The following MARCHF1 variants were observed in gnomAD, a reference collection of about 807,000 sequenced individuals.
MARCHF1 encodes the protein membrane associated ring-CH-type finger 1.
A neutral mutation model predicts 54.2 loss-of-function variants in MARCHF1; 40 were observed. The observed-to-expected ratio is 0.74, with a 90% CI of 0.57 to 0.96. The LOEUF is 0.96. Among genes scored for constraint, MARCHF1 ranks in the 40% least tolerant of loss-of-function variants. The pLI is 0.00. For synonymous variants in MARCHF1, 236 were observed against 236.3 expected, an observed-to-expected ratio of 1.00 and a Z score of 0.01; for missense variants, 586 against 656.5, an observed-to-expected ratio of 0.89 and a Z score of 1.17.
At chr4:163,893,896 C>T (rs944122679) in intron 3 of MARCHF1, among the ~76,000 whole-genome samples, 1 of 152,124 alleles carries the variant, frequency 6.6e-6, no homozygotes, top group Non-Finnish European at 1.5e-5. Context: ...GAAGTGCTCA[C>T]AGGCAGCATG....
chr4:164,005,678 A>G (rs986386756), intron 2 of MARCHF1, among the ~76,000 whole-genome samples: 1 of 152,110 alleles, frequency 6.6e-6, no homozygotes, highest in African/African-American at 2.4e-5. Context: ...ATTTCTGAGG[A>G]CAGTTAGAGA....
chr4:163,808,863 C>T (rs527760622), intron 4 of MARCHF1, among the ~76,000 whole-genome samples: 9 of 152,118 alleles, frequency 5.9e-5, no homozygotes, highest in Non-Finnish European at 1.3e-4. Flanking sequence ...GCCACCGTGC[C>T]CGGCCTGGAA....
intron 4 of MARCHF1, among the ~76,000 whole-genome samples, chr4:163,821,789 G>C (rs990385609): frequency 2.0e-5 from 1 of 51,254 alleles, no homozygotes; most frequent in South Asian, 1.4e-3. Context: ...CCTGGGAAAA[G>C]AGGGTTTTTT....
chr4:163,698,782 T>C (rs1315966956), intron 5 of MARCHF1, among the ~76,000 whole-genome samples: 1 of 152,206 alleles, frequency 6.6e-6, no homozygotes, highest in Non-Finnish European at 1.5e-5. Context: ...CAGTATTTGG[T>C]GTGACAAAGG....
At chr4:164,199,167 G>A (rs568635124) in intron 1 of MARCHF1, among the ~76,000 whole-genome samples, 1 of 152,174 alleles carries the variant, frequency 6.6e-6, no homozygotes, top group African/African-American at 2.4e-5. Flanking sequence ...AAACTGCCTT[G>A]AAAGTAAGAC....
intron 3 of MARCHF1, among the ~76,000 whole-genome samples, chr4:163,965,772 A>T (rs974901329): frequency 1.3e-5 from 2 of 152,106 alleles, no homozygotes; most frequent in East Asian, 3.9e-4. Flanking sequence ...CAACTGAAAA[A>T]CTACATAACT....
intron 2 of MARCHF1, among the ~76,000 whole-genome samples, chr4:164,091,522 G>A (rs1002519352): frequency 2.0e-5 from 3 of 150,666 alleles, no homozygotes; most frequent in Admixed American, 6.6e-5. Flanking sequence ...TTTCCTAACA[G>A]GTGAGTTAAA....
intron 1 of MARCHF1, among the ~76,000 whole-genome samples, chr4:164,381,788 C>A (rs1016496600): frequency 2.0e-5 from 3 of 152,172 alleles, no homozygotes; most frequent in African/African-American, 7.2e-5. Flanking sequence ...ACATGAGCAA[C>A]AGGTTCTCTA....
At chr4:164,125,047 T>C (rs1283803778) in intron 1 of MARCHF1, among the ~76,000 whole-genome samples, 1 of 152,078 alleles carries the variant, frequency 6.6e-6, no homozygotes, top group African/African-American at 2.4e-5. Flanking sequence ...CATAAATATA[T>C]AGACCTACTA....
intron 1 of MARCHF1, among the ~76,000 whole-genome samples, chr4:164,149,564 C>T (rs550675516): frequency 8.1e-4 from 123 of 152,194 alleles, no homozygotes; most frequent in African/African-American, 2.8e-3. Context: ...TTAATCAATA[C>T]ATTTTTTATT....
chr4:164,050,441 T>G (rs1754340124), intron 2 of MARCHF1, among the ~76,000 whole-genome samples: 1 of 152,114 alleles, frequency 6.6e-6, no homozygotes, highest in South Asian at 2.1e-4. Context: ...AGATCTTGTG[T>G]CTTGTGAGTT....
intron 4 of MARCHF1, among the ~76,000 whole-genome samples, chr4:163,711,868 T>C (rs1170046157): frequency 2.0e-5 from 3 of 152,214 alleles, no homozygotes; most frequent in Non-Finnish European, 4.4e-5. Context: ...TGCTATCTGT[T>C]TCTTTCTAGA....
At chr4:164,276,260 C>T (rs780294439) in intron 1 of MARCHF1, among the ~76,000 whole-genome samples, 1 of 152,020 alleles carries the variant, frequency 6.6e-6, no homozygotes, top group South Asian at 2.1e-4. Flanking sequence ...AAGACCACTA[C>T]CTTCTTCTCT....
chr4:164,084,850 T>G (rs1755164199), intron 2 of MARCHF1, among the ~76,000 whole-genome samples: 1 of 151,830 alleles, frequency 6.6e-6, no homozygotes, highest in Non-Finnish European at 1.5e-5. Context: ...ACCACATTGA[T>G]GACTTTATCA....
chr4:163,630,588 A>G (rs1742039010), intron 5 of MARCHF1, among the ~76,000 whole-genome samples: 1 of 152,190 alleles, frequency 6.6e-6, no homozygotes. Flanking sequence ...AGTACTTTAA[A>G]TTTCTCCTAA....
chr4:163,683,401 A>G (rs1021704549), intron 5 of MARCHF1, among the ~76,000 whole-genome samples: 1 of 152,094 alleles, frequency 6.6e-6, no homozygotes, highest in Non-Finnish European at 1.5e-5. Flanking sequence ...GTTACCTCCC[A>G]CCCATTCCCT....
At chr4:164,270,488 G>C (rs1227706052) in intron 1 of MARCHF1, among the ~76,000 whole-genome samples, 12 of 152,128 alleles carry the variant, frequency 7.9e-5, no homozygotes, top group Non-Finnish European at 1.8e-4. Flanking sequence ...AGATATTTCT[G>C]TTTGGTTCAC....
chr4:164,358,820 C>A (rs937514765), intron 1 of MARCHF1, among the ~76,000 whole-genome samples: 1 of 151,958 alleles, frequency 6.6e-6, no homozygotes, highest in Non-Finnish European at 1.5e-5. Context: ...ATTTTAAGAA[C>A]CAGCTTTTTC....
At chr4:163,726,837 C>T (rs138237546) in intron 4 of MARCHF1, among the ~76,000 whole-genome samples, 37 of 152,252 alleles carry the variant, frequency 2.4e-4, no homozygotes, top group East Asian at 2.3e-3. Context: ...AATTTCTTAA[C>T]GACATGAAAT....
Sources: allele counts gnomAD v4.1 joint callset (sites outside exome capture counted in the v4.1 genomes callset), GRCh38; gene constraint gnomAD v4.1.1; transcripts MANE v1.5; gene names NCBI Gene and HGNC (gene_info 2026-07-23, HGNC 2026-07-21).